Variants in SRC observed in about 807,000 individuals in gnomAD.
The protein encoded by SRC is proto-oncogene tyrosine-protein kinase Src.
In SRC, 13 loss-of-function variants were observed where a neutral mutation model predicts 62.9. The observed-to-expected ratio is 0.21, with a 90% CI of 0.13 to 0.33. The LOEUF (loss-of-function observed/expected upper bound fraction) is 0.33, where lower values mean the gene tolerates loss of function less well. Ranked by LOEUF, SRC falls within the 10% of genes least tolerant of loss-of-function variation. The pLI is 1.00. For synonymous variants in SRC, 302 were observed against 317.5 expected (o/e 0.95, Z 0.52); for missense variants, 457 against 737.3 (o/e 0.62, Z 4.40).
At position 37,396,538 on chromosome 20, in the gene SRC, T is replaced by G; in HGVS notation, c.703+227T>G. On this transcript the variant is annotated intron_variant, in intron 8 of 13. Transcript: ENST00000373578. The surrounding 1 kb of genome is among the most constrained non-coding windows in gnomAD (Gnocchi z 6.1). ...CCTCCTCCCTGTCCCCCTCTCTCCC[T>G]GCTCCACGCAGTGTCCCACTGCCCG... 2 of 606,588 alleles carry G rather than the reference T, an allele frequency of 3.3e-6. No individual in the cohort carries two copies. Among genetic ancestry groups the G allele is most frequent in the Non-Finnish European group, 5.7e-6 (2 of 350,514 alleles). 37.6% of individuals were successfully genotyped at this position (606,588 alleles called of 1,614,324 possible).
At position 37,403,388 on chromosome 20, in the gene SRC, G is replaced by C; in HGVS notation, c.*9G>C. 6.3e-7 allele frequency: 1 copy of C among 1,578,202 alleles called. No homozygotes were observed. The highest frequency in any genetic ancestry group is 8.6e-7 in the Non-Finnish European group (1 of 1,163,240). ...CCGGGGAGAACCTCTAGGCACAGGCGGGCCCAGACCGGCTTCTCGGCTTGG... is the reference window on the plus strand; with the variant it reads ...CCGGGGAGAACCTCTAGGCACAGGCCGGCCCAGACCGGCTTCTCGGCTTGG... On this transcript the variant is annotated 3_prime_UTR_variant, in exon 14 of 14. Transcript: ENST00000373578. The surrounding 1 kb of genome is among the most constrained non-coding windows in gnomAD (Gnocchi z 7.1).
chr20:37,387,747 C>T (rs894110422), intron 5 of SRC, among the ~76,000 whole-genome samples: 9 of 152,312 alleles, frequency 5.9e-5, no homozygotes, highest in Middle Eastern at 3.4e-3. Flanking sequence ...AGCACAGTGG[C>T]GGGTGCCCAG....
intron 2 of SRC, among the ~76,000 whole-genome samples, chr20:37,379,901 AAAAAAAAAAAGGAAAAGAAAAAG>A (rs2070336517): frequency 6.8e-6 from 1 of 147,246 alleles, no homozygotes; most frequent in African/African-American, 2.5e-5. Context: ...ATTTCAAAAA[AAAAAAAAAAAGGAAAAGAAAAAG>A]AACGAGAGAG....
intron 1 of SRC, among the ~76,000 whole-genome samples, chr20:37,355,794 C>T (rs567306011): frequency 6.6e-5 from 10 of 152,214 alleles, no homozygotes; most frequent in African/African-American, 2.2e-4. Flanking sequence ...AAGAAGGGAC[C>T]GTGTGCAAAA....
intron 10 of SRC, among the ~76,000 whole-genome samples, chr20:37,400,850 A>C (rs1473597595): frequency 2.6e-5 from 4 of 152,096 alleles, no homozygotes; most frequent in Non-Finnish European, 4.4e-5. Context: ...AAAGTTCCTC[A>C]TGCCCTTTGC....
intron 4 of SRC, 115 bp from the exon 5 acceptor site, chr20:37,385,960 G>T: frequency 1.3e-6 from 1 of 786,950 alleles, no homozygotes; most frequent in South Asian, 1.6e-5. Context: ...GTGTCTTTGG[G>T]CTGAGCACTT....
At chr20:37,386,616 C>T in intron 5 of SRC, 2 of 660,834 alleles carry the variant, frequency 3.0e-6, no homozygotes, top group South Asian at 3.4e-5. Context: ...TTCTCCCCTC[C>T]CCCCTCCACC....
chr20:37,388,708 C>T (rs1263242884), intron 5 of SRC, among the ~76,000 whole-genome samples: 3 of 151,976 alleles, frequency 2.0e-5, no homozygotes, highest in Non-Finnish European at 4.4e-5. Context: ...GATCGTGCTA[C>T]TGCACTCCAG....
Position 37,384,546 on chromosome 20 carries a change from G to GGAGGGGGC in SRC, c.250+144_250+145insAGGGGGCG, listed in dbSNP as rs1568634901. On this transcript the variant is annotated intron_variant, in intron 4 of 13. Transcript: ENST00000373578. This position sits in a 1 kb window ranked among gnomAD's most constrained non-coding sequence, Gnocchi z 6.7. Reference sequence around the variant, plus strand: ...GCCCCTGGGTGACTTGGGTGTCCGGGGGGTGGGGGGGCGGCCGTACACACT... The same window carrying GGAGGGGGC: ...GCCCCTGGGTGACTTGGGTGTCCGGGGAGGGGGCGGGTGGGGGGGCGGCCGTACACACT... 2.1e-6 allele frequency: 2 copies of GGAGGGGGC among 951,446 alleles called. No individual in the cohort carries two copies. The highest frequency in any genetic ancestry group is 3.6e-5 in the African/African-American group (2 of 55,902). 58.9% of individuals were successfully genotyped at this position (951,446 alleles called of 1,614,324 possible). A position where few individuals can be genotyped will look rare whatever the true frequency, so the allele number is the denominator to read the frequency against.
rs1005150987 is a variant in SRC at position 37,404,778 on chromosome 20, G to A, written c.*1399G>A. The A allele has an allele frequency of 5.1e-5, 12 of 233,502 alleles. No homozygotes were observed. The highest frequency in any genetic ancestry group is 5.1e-4 in the Admixed American group (9 of 17,792). The allele number at this position is 233,502 out of a possible 1,614,324, so 14.5% of individuals were successfully genotyped here. A position where few individuals can be genotyped will look rare whatever the true frequency, so the allele number is the denominator to read the frequency against. On this transcript the variant is annotated 3_prime_UTR_variant, in exon 14 of 14. Coordinates refer to ENST00000373578, the MANE Select transcript of SRC (RefSeq NM_198291.3). Reference sequence around the variant, plus strand: ...CATCAGGAGACTGGGCTCTGGCTCTGTTCGGCCTTTGGGTGTGTGGTGGAT... The same window carrying A: ...CATCAGGAGACTGGGCTCTGGCTCTATTCGGCCTTTGGGTGTGTGGTGGAT...
Position 37,400,200 on chromosome 20 carries a change from G to T in SRC, c.945G>T (p.Gln315His), listed in dbSNP as rs747257425. ...CAGAGGCCTTCCTGCAGGAGGCCCAGGTCATGAAGAAGCTGAGGCATGAGA... is the reference window on the plus strand; with the variant it reads ...CAGAGGCCTTCCTGCAGGAGGCCCATGTCATGAAGAAGCTGAGGCATGAGA... Reference protein sequence around the residue: ...MSPEAFLQEAQVMKKLRHEKL... With the variant: ...MSPEAFLQEAHVMKKLRHEKL... The change falls in exon 10 of 14, where the codon CAG (glutamine) becomes CAT (histidine). Residue 315 changes from glutamine (Q) to histidine (H), a missense_variant. Coordinates refer to ENST00000373578, the MANE Select transcript of SRC (RefSeq NM_198291.3). The T allele has an allele frequency of 6.2e-7, 1 of 1,614,140 alleles. No individual in the cohort carries two copies. Among genetic ancestry groups the T allele is most frequent in the Admixed American group, 1.7e-5 (1 of 60,020 alleles).
At chr20:37,373,406 C>T (rs148808090) in intron 2 of SRC, among the ~76,000 whole-genome samples, 17 of 147,184 alleles carry the variant, frequency 1.2e-4, no homozygotes, top group Admixed American at 2.7e-4. Context: ...CGTATATATA[C>T]GCATATATAC....
intron 7 of SRC, among the ~76,000 whole-genome samples, chr20:37,395,394 C>T (rs984259956): frequency 6.6e-6 from 1 of 152,240 alleles, no homozygotes; most frequent in Non-Finnish European, 1.5e-5. Context: ...AGCCTCTGCC[C>T]CTGCCTCCGG....
intron 1 of SRC, among the ~76,000 whole-genome samples, chr20:37,359,093 G>A (rs1401314984): frequency 6.6e-6 from 1 of 152,284 alleles, no homozygotes; most frequent in Non-Finnish European, 1.5e-5. Flanking sequence ...GTAAGCCAGG[G>A]TGGGCAGAAG....
intron 1 of SRC, among the ~76,000 whole-genome samples, chr20:37,350,151 C>T (rs1034464055): frequency 6.6e-6 from 1 of 152,234 alleles, no homozygotes; most frequent in Non-Finnish European, 1.5e-5. Flanking sequence ...CTCCATGGCC[C>T]CCACCCCTTA....
At position 37,398,587 on chromosome 20, in the gene SRC, C is replaced by T. The variant is rs1231773965; in HGVS notation, c.859+733C>T. Among the ~76,000 whole-genome samples, 1 of 152,236 alleles carries T rather than the reference C, an allele frequency of 6.6e-6. No homozygotes were observed. Among genetic ancestry groups the T allele is most frequent in the Non-Finnish European group, 1.5e-5 (1 of 68,044 alleles). ...GGCTGATGGAGGAGAGCAGAGCGGC[C>T]TCCTGGGTGGAAGGCACTGCAGGGA... On this transcript the variant is annotated intron_variant, in intron 9 of 13. Coordinates refer to ENST00000373578, the MANE Select transcript of SRC (RefSeq NM_198291.3). The surrounding 1 kb of genome is among the most constrained non-coding windows in gnomAD (Gnocchi z 5.2).
chr20:37,362,150 G>A (rs1041534060), intron 1 of SRC, among the ~76,000 whole-genome samples: 2 of 151,978 alleles, frequency 1.3e-5, no homozygotes, highest in Non-Finnish European at 2.9e-5. Flanking sequence ...AAACTCCTGG[G>A]TGCAAGCAAT....
At position 37,402,557 on chromosome 20, in the gene SRC, C is replaced by T. The variant is rs367543244; in HGVS notation, c.1239C>T (p.Leu413=). 6.2e-7 allele frequency: 1 copy of T among 1,613,736 alleles called. No homozygotes were observed. Residue 413 remains leucine, a synonymous_variant, in exon 12 of 14, where the codon CTC becomes CTT. Coordinates refer to ENST00000373578, the MANE Select transcript of SRC (RefSeq NM_198291.3). This position sits in a 1 kb window ranked among gnomAD's most constrained non-coding sequence, Gnocchi z 6.2. ...CKVADFGLAR[L]IEDNEYTARQ... Reference sequence around the variant, plus strand: ...TGGCGGACTTTGGGCTGGCTCGGCTCATTGAAGACAATGAGTACACGGCGC... The same window carrying T: ...TGGCGGACTTTGGGCTGGCTCGGCTTATTGAAGACAATGAGTACACGGCGC...
chr20:37,393,829 G>T, intron 5 of SRC, 66 bp from the exon 6 acceptor site: 1 of 1,249,880 alleles, frequency 8.0e-7, no homozygotes, highest in Non-Finnish European at 1.2e-6. Context: ...CTAGGAGGAT[G>T]GTGGGCACCG....
Sources: gnomAD v4.1 joint callset for allele counts (sites outside exome capture counted in the v4.1 genomes callset) on GRCh38, gnomAD v4.1.1 for gene constraint, Gnocchi (gnomAD v3.1) non-coding constraint, MANE v1.5 for transcripts, NCBI Gene and HGNC (gene_info 2026-07-23, HGNC 2026-07-21) for gene names.